The following ADGB variants were observed in gnomAD, a reference collection of about 807,000 sequenced individuals.
ADGB encodes the protein calpain-7-like protein.
ADGB carries 172 observed loss-of-function variants against 210.5 expected under a neutral mutation model. The observed-to-expected ratio is 0.82, with a 90% CI of 0.72 to 0.93. The LOEUF (loss-of-function observed/expected upper bound fraction) is 0.93. Ranked by LOEUF, ADGB falls within the 40% of genes least tolerant of loss-of-function variation. ADGB has a pLI of 0.00. For synonymous variants in ADGB, 658 were observed against 662.7 expected (o/e 0.99, Z 0.11); for missense variants, 2,025 against 1,964.8 (o/e 1.03, Z -0.58).
intron 13 of ADGB, among the ~76,000 whole-genome samples, chr6:146,714,183 G>C (rs748487415): frequency 2.0e-5 from 3 of 152,090 alleles, no homozygotes; most frequent in Admixed American, 6.6e-5. Context: ...GAAATTTAAG[G>C]CACCAAAGAG....
chr6:146,650,724 T>C (rs1375900297), intron 3 of ADGB, among the ~76,000 whole-genome samples: 3 of 150,798 alleles, frequency 2.0e-5, no homozygotes, highest in Non-Finnish European at 2.9e-5. Flanking sequence ...ATGGACCTGG[T>C]CTTGGCTGGT....
At chr6:146,792,035 G>A (rs1777963100) in intron 33 of ADGB, among the ~76,000 whole-genome samples, 1 of 150,972 alleles carries the variant, frequency 6.6e-6, no homozygotes, top group Non-Finnish European at 1.5e-5. Flanking sequence ...CTCCCAAAGT[G>A]CTAGGATGAC....
intron 1 of ADGB, among the ~76,000 whole-genome samples, chr6:146,633,712 T>G (rs1781097765): frequency 6.6e-6 from 1 of 152,094 alleles, no homozygotes; most frequent in African/African-American, 2.4e-5. Flanking sequence ...TTTTAAAAAT[T>G]GAGTACCTTA....
rs370698847 is a variant in ADGB, at chr6:146,809,449, AC to A, written c.4819-5577del. Among the ~76,000 whole-genome samples the A allele has an allele frequency of 4.4e-3, 662 of 151,786 alleles. 1 individual carries two copies. The highest frequency in any genetic ancestry group is 0.015 in the African/African-American group (625 of 41,382). On this transcript the variant is annotated intron_variant, in intron 35 of 35. Transcript: ENST00000397944. Reference sequence around the variant, plus strand: ...TTGAACTCTTGACCTCAGGTGATCCACCCCCCTCGGCCTCCTAAAATGCTGG... The same window carrying A: ...TTGAACTCTTGACCTCAGGTGATCCACCCCCTCGGCCTCCTAAAATGCTGG...
At chr6:146,747,874 C>T (rs1389139023) in intron 26 of ADGB, among the ~76,000 whole-genome samples, 1 of 150,448 alleles carries the variant, frequency 6.6e-6, no homozygotes, top group Non-Finnish European at 1.5e-5. Context: ...CCTCTGCCTC[C>T]CGGGTTCAAG....
intron 16 of ADGB, among the ~76,000 whole-genome samples, 185 bp from the exon 17 acceptor site, chr6:146,721,218 G>A (rs1263646215): frequency 2.0e-5 from 3 of 152,096 alleles, no homozygotes; most frequent in African/African-American, 4.8e-5. Context: ...TTCCACAGAC[G>A]GTTGCCAACA....
At chr6:146,805,666 C>G (rs367885644) in intron 35 of ADGB, among the ~76,000 whole-genome samples, 1 of 152,110 alleles carries the variant, frequency 6.6e-6, no homozygotes, top group Admixed American at 6.5e-5. Context: ...GGGCCTTTGA[C>G]CTCACTCCTC....
chr6:146,688,219 C>T lies in ADGB; in HGVS notation c.1311+2391C>T, dbSNP rs75614118. 1.0e-2 allele frequency among the ~76,000 whole-genome samples: 1,515 copies of T among 152,020 alleles called. 22 individuals are homozygous for T. Among genetic ancestry groups the T allele is most frequent in the African/African-American group, 0.034 (1,414 of 41,466 alleles). ...GAACAGAAGGCATACAAGGTGCCTGCCACGTAGTAGGTGTAGGTGAATTAA... is the reference window on the plus strand; with the variant it reads ...GAACAGAAGGCATACAAGGTGCCTGTCACGTAGTAGGTGTAGGTGAATTAA... On this transcript the variant is annotated intron_variant, in intron 10 of 35. Transcript: ENST00000397944.
chr6:146,770,501 C>A lies in ADGB; in HGVS notation c.3862+1370C>A, dbSNP rs751412820. 4.4e-4 allele frequency: 190 copies of A among 435,238 alleles called. 3 individuals carry two copies. In the Middle Eastern group the frequency reaches 8.3e-3, roughly 19 times the overall value. The allele number at this position is 435,238 out of a possible 1,614,324, so 27.0% of individuals were successfully genotyped here. A position where few individuals can be genotyped will look rare whatever the true frequency, so the allele number is the denominator to read the frequency against. On this transcript the variant is annotated intron_variant, in intron 29 of 35. Transcript: ENST00000397944. The stretch of plus-strand genomic sequence containing the variant: ...CTTCTGAGGTTCCTCTCTCATTGGG[C>A]AGGGATGTGTTCTTCCTCGGTCTCA...
chr6:146,691,774 G>A lies in ADGB; in HGVS notation c.1486+484G>A, dbSNP rs527846817. On this transcript the variant is annotated intron_variant, in intron 11 of 35. Transcript: ENST00000397944. ...GAAGCTCATTCTTTTGAGTTATGGC[G>A]ATGTTATTATTAGTGTGATAGAAAA... Among the ~76,000 whole-genome samples, 52 of 151,584 alleles carry A rather than the reference G, an allele frequency of 3.4e-4. No homozygotes were observed. In the East Asian group the frequency reaches 6.3e-3, roughly 18 times the overall value.
intron 3 of ADGB, among the ~76,000 whole-genome samples, chr6:146,653,722 T>C (rs964799454): frequency 7.2e-5 from 11 of 152,124 alleles, no homozygotes; most frequent in African/African-American, 2.7e-4. Context: ...AACCCACACA[T>C]GTACCCCAAA....
intron 1 of ADGB, among the ~76,000 whole-genome samples, chr6:146,611,614 G>C (rs557392709): frequency 5.9e-5 from 9 of 152,160 alleles, no homozygotes; most frequent in African/African-American, 2.2e-4. Context: ...CCTGGTGTTC[G>C]GCAACCCTAT....
chr6:146,781,192 AATT>A (rs1777794418), intron 29 of ADGB, among the ~76,000 whole-genome samples: 1 of 145,146 alleles, frequency 6.9e-6, no homozygotes, highest in Non-Finnish European at 1.5e-5. Flanking sequence ...AAAAAAAAAA[AATT>A]AGCCGGGCGT....
chr6:146,627,326 AT>A (rs964762925), intron 1 of ADGB, among the ~76,000 whole-genome samples: 8 of 151,632 alleles, frequency 5.3e-5, no homozygotes, highest in African/African-American at 1.9e-4. Flanking sequence ...ATGCCTGGTA[AT>A]TTTTTATTTT....
At chr6:146,687,411 T>C (rs1233389567) in intron 10 of ADGB, among the ~76,000 whole-genome samples, 1 of 151,922 alleles carries the variant, frequency 6.6e-6, no homozygotes, top group East Asian at 1.9e-4. Context: ...CCATCAATGA[T>C]AGACTGAATA....
chr6:146,748,041 C>T (rs1777267809), intron 26 of ADGB, among the ~76,000 whole-genome samples: 1 of 151,908 alleles, frequency 6.6e-6, no homozygotes, highest in Non-Finnish European at 1.5e-5. Flanking sequence ...GTCTCAGCCT[C>T]CCAAAGTCCT....
chr6:146,756,523 C>T (rs545972064), intron 27 of ADGB, among the ~76,000 whole-genome samples: 4 of 152,126 alleles, frequency 2.6e-5, no homozygotes, highest in African/African-American at 7.2e-5. Flanking sequence ...TAAAATATTA[C>T]ATATACATAC....
At position 146,733,236 on chromosome 6, in the gene ADGB, C is replaced by T. The variant is rs907546792; in HGVS notation, c.2637C>T (p.Ser879=). The part of the protein sequence containing the change: ...MVLDLELLNS[S]LEEVSLVEWL... Reference sequence around the variant, plus strand: ...TGGACTTGGAGTTACTCAATTCCTCCTTGGAAGAGGTTTCTTTAGGTACCC... The same window carrying T: ...TGGACTTGGAGTTACTCAATTCCTCTTTGGAAGAGGTTTCTTTAGGTACCC... Residue 879 remains serine, a synonymous_variant, in exon 21 of 36, where the codon TCC becomes TCT. Transcript: ENST00000397944. The T allele has an allele frequency of 6.5e-7, 1 of 1,532,456 alleles. No individual in the cohort carries two copies. The highest frequency in any genetic ancestry group is 2.1e-5 in the Admixed American group (1 of 48,220). The allele number at this position is 1,532,456 out of a possible 1,614,324, so 94.9% of individuals were successfully genotyped here.
intron 27 of ADGB, among the ~76,000 whole-genome samples, chr6:146,755,587 C>T (rs1156594663): frequency 2.6e-5 from 4 of 152,014 alleles, no homozygotes; most frequent in East Asian, 1.9e-4. Flanking sequence ...TTCAGCCATG[C>T]GGAACTGTGT....
Sources: allele counts gnomAD v4.1 joint callset (sites outside exome capture counted in the v4.1 genomes callset), GRCh38; gene constraint gnomAD v4.1.1; transcripts MANE v1.5; gene names NCBI Gene and HGNC (gene_info 2026-07-23, HGNC 2026-07-21).